The following SEC24B variants were observed in gnomAD, a reference collection of about 807,000 sequenced individuals.
SEC24B encodes SEC24 homolog B, COPII component.
Under a neutral mutation model 142.8 loss-of-function variants are expected in SEC24B, and 45 were observed. The ratio of observed to expected loss-of-function variants is 0.32; its 90% CI spans 0.25 to 0.40. The LOEUF (loss-of-function observed/expected upper bound fraction) is 0.40, where lower values mean the gene tolerates loss of function less well. SEC24B is among the 10% of genes least tolerant of loss of function. The probability of loss-of-function intolerance (pLI) is 1.00; values close to 1 mark genes in which losing one functional copy is unlikely to be tolerated. For missense variants in SEC24B, 1,409 were observed against 1,526.8 expected (o/e 0.92, Z 1.29); for synonymous variants, 574 against 568.2 (o/e 1.01, Z -0.15).
At chr4:109,468,075 C>T (rs886937175) in intron 2 of SEC24B, among the ~76,000 whole-genome samples, 1 of 152,090 alleles carries the variant, frequency 6.6e-6, no homozygotes, top group African/African-American at 2.4e-5. Flanking sequence ...AAGCAAATAC[C>T]TTGTAGGACA....
At chr4:109,467,606 G>T (rs1342613752) in intron 2 of SEC24B, among the ~76,000 whole-genome samples, 4 of 152,112 alleles carry the variant, frequency 2.6e-5, no homozygotes, top group Non-Finnish European at 4.4e-5. Flanking sequence ...TTGACAGCAA[G>T]ATGAGTACCA....
At chr4:109,449,333 C>T (rs907350677) in intron 1 of SEC24B, 2 of 347,834 alleles carry the variant, frequency 5.7e-6, no homozygotes, top group South Asian at 2.2e-5. Context: ...AAGCAATCCT[C>T]CCACCTCAGC....
chr4:109,434,188 G>T (rs1410918092), intron 1 of SEC24B, among the ~76,000 whole-genome samples, 186 bp downstream of exon 1: 3 of 148,116 alleles, frequency 2.0e-5, no homozygotes, highest in Non-Finnish European at 4.5e-5. Context: ...GGCAGGGAAG[G>T]CACGGCGCGG....
Position 109,433,828 on chromosome 4 carries a change from C to T in SEC24B, c.-42C>T. ...CGGCCCCGCCTTCCCTTCCCTCCGC[C>T]CACCTCCCTGAAGCGGAGCCGCCGT... On this transcript the variant is annotated 5_prime_UTR_variant, in exon 1 of 24. Transcript: ENST00000265175. 2.4e-6 allele frequency: 3 copies of T among 1,248,978 alleles called. No individual in the cohort carries two copies. Among genetic ancestry groups the T allele is most frequent in the Non-Finnish European group, 3.0e-6 (3 of 994,682 alleles). The allele number at this position is 1,248,978 out of a possible 1,614,324, so 77.4% of individuals were successfully genotyped here.
chr4:109,525,837 T>G (rs1433656178), intron 16 of SEC24B, among the ~76,000 whole-genome samples: 1 of 152,192 alleles, frequency 6.6e-6, no homozygotes, highest in Non-Finnish European at 1.5e-5. Flanking sequence ...AATCATTTAA[T>G]GTACACTTCC....
At chr4:109,515,344 A>G (rs1212675007) in intron 10 of SEC24B, among the ~76,000 whole-genome samples, 1 of 152,116 alleles carries the variant, frequency 6.6e-6, no homozygotes, top group Non-Finnish European at 1.5e-5. Context: ...CTCGTAATCC[A>G]CCGGCCTCAG....
At position 109,494,825 on chromosome 4, in the gene SEC24B, C is replaced by T. The variant is rs186652926; in HGVS notation, c.1457C>T (p.Pro486Leu). ...ATTTCTGGAGTACAGCCCAGTAACC[C>T]GGTATATTCTGGATTCCAGCAGTAT... ...PLISGVQPSNPVYSGFQQYPQ... is the reference protein window; with the variant it reads ...PLISGVQPSNLVYSGFQQYPQ... Residue 486 changes from proline to leucine, a missense_variant, in exon 6 of 24, where the codon CCG becomes CTG. Pro to Leu is a moderately conservative substitution (Grantham distance 98, BLOSUM62 -3). Transcript: ENST00000265175. 43 of 1,613,926 alleles carry T rather than the reference C, an allele frequency of 2.7e-5. No individual in the cohort carries two copies. Among genetic ancestry groups the T allele is most frequent in the East Asian group, 4.5e-5 (2 of 44,882 alleles).
chr4:109,536,203 G>A (rs1725516260), intron 22 of SEC24B, among the ~76,000 whole-genome samples: 1 of 152,114 alleles, frequency 6.6e-6, no homozygotes, highest in Non-Finnish European at 1.5e-5. Flanking sequence ...TAAATTCTAA[G>A]TAAAATAGTA....
intron 1 of SEC24B, among the ~76,000 whole-genome samples, chr4:109,434,336 C>T (rs1728180777): frequency 1.3e-5 from 2 of 152,142 alleles, no homozygotes; most frequent in Admixed American, 1.3e-4. Context: ...GCTGGGAGCC[C>T]ACGTAGTAAA....
Position 109,478,303 on chromosome 4 carries a change from TAATAA to T in SEC24B, c.1061-3363_1061-3359del, listed in dbSNP as rs1423857004. On this transcript the variant is annotated intron_variant, in intron 3 of 23. Coordinates refer to ENST00000265175, the MANE Select transcript of SEC24B (RefSeq NM_006323.5). ...TCTGTCTTAAAAAAAAAAAAAAAAT[TAATAA>T]AATAAAATAATTAGCAGGACTGAGT... Among the ~76,000 whole-genome samples, 33 of 150,618 alleles carry T rather than the reference TAATAA, an allele frequency of 2.2e-4. 2 individuals carry two copies. In the East Asian group the frequency reaches 5.8e-3, roughly 27 times the overall value.
At chr4:109,476,795 TGTAA>T (rs1390630709) in intron 3 of SEC24B, among the ~76,000 whole-genome samples, 1 of 152,236 alleles carries the variant, frequency 6.6e-6, no homozygotes, top group Non-Finnish European at 1.5e-5. Flanking sequence ...TTCTTCCTTT[TGTAA>T]GTGAGGAAAT....
chr4:109,532,533 C>G, intron 20 of SEC24B, 106 bp from the exon 21 acceptor site: 1 of 786,236 alleles, frequency 1.3e-6, no homozygotes, highest in Admixed American at 2.0e-5. Flanking sequence ...ATGCAAAACT[C>G]CCAAGTGTTA....
chr4:109,539,231 G>T (rs1725917221), intron 23 of SEC24B, among the ~76,000 whole-genome samples: 1 of 151,828 alleles, frequency 6.6e-6, no homozygotes, highest in East Asian at 1.9e-4. Context: ...CAAAGTGCTG[G>T]GATTACAGGC....
At chr4:109,458,119 A>T (rs1730892460) in intron 1 of SEC24B, among the ~76,000 whole-genome samples, 1 of 150,924 alleles carries the variant, frequency 6.6e-6, no homozygotes, top group Non-Finnish European at 1.5e-5. Context: ...TATGTTTCTT[A>T]GATCATTTTC....
intron 10 of SEC24B, among the ~76,000 whole-genome samples, chr4:109,515,856 A>G (rs1722790583): frequency 6.7e-6 from 1 of 149,706 alleles, no homozygotes. Context: ...CCTGGCCAAC[A>G]TAGTGAACCC....
At chr4:109,519,033 C>T (rs542042427) in intron 11 of SEC24B, among the ~76,000 whole-genome samples, 1 of 152,190 alleles carries the variant, frequency 6.6e-6, no homozygotes, top group African/African-American at 2.4e-5. Flanking sequence ...TCTCGAACTC[C>T]TGAGCTCAAG....
At chr4:109,464,493 C>T (rs991603109) in intron 2 of SEC24B, among the ~76,000 whole-genome samples, 1 of 152,062 alleles carries the variant, frequency 6.6e-6, no homozygotes. Context: ...AAGCTGGTCT[C>T]GAACACGCGA....
At chr4:109,501,321 ACT>A (rs1371956952) in intron 6 of SEC24B, among the ~76,000 whole-genome samples, 1 of 152,138 alleles carries the variant, frequency 6.6e-6, no homozygotes, top group Non-Finnish European at 1.5e-5. Context: ...TTGTGAGTAC[ACT>A]CTGTGATGTT....
chr4:109,538,615 T>C lies in SEC24B; in HGVS notation c.3692+19T>C. On this transcript the variant is annotated intron_variant, in intron 23 of 23. Transcript: ENST00000265175. ...TAGTAAAGTAAGTACTTTTGTAACT[T>C]AATTATGAAGTTGTCTTTCCTATGT... 6.8e-7 allele frequency: 1 copy of C among 1,478,338 alleles called. No homozygotes were observed. Among genetic ancestry groups the C allele is most frequent in the Non-Finnish European group, 9.5e-7 (1 of 1,056,846 alleles). The allele number at this position is 1,478,338 out of a possible 1,614,324, so 91.6% of individuals were successfully genotyped here. A position where few individuals can be genotyped will look rare whatever the true frequency, so the allele number is the denominator to read the frequency against.
Sources: gnomAD v4.1 joint callset for allele counts (sites outside exome capture counted in the v4.1 genomes callset) on GRCh38, gnomAD v4.1.1 for gene constraint, MANE v1.5 for transcripts, NCBI Gene and HGNC (gene_info 2026-07-23, HGNC 2026-07-21) for gene names.